LRP1B: variants seen among roughly 807,000 people sequenced by gnomAD.
LRP1B encodes the protein low-density lipoprotein receptor-related protein 1B.
A neutral mutation model predicts 556.6 loss-of-function variants in LRP1B; 217 were observed. The observed-to-expected ratio is 0.39, with a 90% CI of 0.35 to 0.44. The LOEUF (loss-of-function observed/expected upper bound fraction) is 0.44, where lower values mean the gene tolerates loss of function less well. Ranked by LOEUF, LRP1B falls within the 20% of genes least tolerant of loss-of-function variation. The pLI, the probability that LRP1B is intolerant of heterozygous loss-of-function variation, is 1.00. For missense variants in LRP1B, 5,053 were observed against 5,620.8 expected, an observed-to-expected ratio of 0.90 and a Z score of 3.23; for synonymous variants, 2,047 against 1,865.8, an observed-to-expected ratio of 1.10 and a Z score of -2.50.
intron 3 of LRP1B, among the ~76,000 whole-genome samples, chr2:141,329,671 T>G (rs1007284116): frequency 6.4e-5 from 6 of 93,516 alleles, no homozygotes; most frequent in African/African-American, 2.6e-4. Context: ...AAAAACTATC[T>G]CTCTCTCTAT....
chr2:140,786,964 A>G (rs1239510603), intron 32 of LRP1B, among the ~76,000 whole-genome samples: 1 of 152,204 alleles, frequency 6.6e-6, no homozygotes, highest in Non-Finnish European at 1.5e-5. Context: ...GGATATTTAG[A>G]AAATAAAATG....
intron 89 of LRP1B, 91 bp from the exon 90 acceptor site, chr2:140,234,975 T>A: frequency 1.6e-6 from 1 of 627,730 alleles, no homozygotes; most frequent in South Asian, 2.0e-5. Context: ...AAAAATAACA[T>A]AAAAATACCC....
chr2:142,037,178 A>T (rs143516368), intron 1 of LRP1B, among the ~76,000 whole-genome samples: 199 of 151,714 alleles, frequency 1.3e-3, no homozygotes, highest in Admixed American at 2.1e-3. Flanking sequence ...ATTCCTGAGG[A>T]AAAACAACAG....
At position 140,764,827 on chromosome 2, in the gene LRP1B, C is replaced by T. The variant is rs1022472860; in HGVS notation, c.5758+4386G>A. Among the ~76,000 whole-genome samples, 7 of 152,206 alleles carry T rather than the reference C, an allele frequency of 4.6e-5. No individual in the cohort carries two copies. In the East Asian group the frequency reaches 9.7e-4, roughly 21 times the overall value. ...TCTATCGTTAACATTAGGGTTCACTCTTGGTGTTATACATTCTGTGGATTT... is the reference window on the plus strand; with the variant it reads ...TCTATCGTTAACATTAGGGTTCACTTTTGGTGTTATACATTCTGTGGATTT... On this transcript the variant is annotated intron_variant, in intron 35 of 90. Transcript: ENST00000389484.
intron 41 of LRP1B, among the ~76,000 whole-genome samples, chr2:140,669,145 C>T (rs16844449): frequency 0.095 from 14,515 of 152,132 alleles, 934 homozygotes; most frequent in East Asian, 0.33. Flanking sequence ...ATTCATAAGC[C>T]ACGGACATGG....
At chr2:141,524,000 C>T (rs895002425) in intron 2 of LRP1B, among the ~76,000 whole-genome samples, 3 of 152,054 alleles carry the variant, frequency 2.0e-5, no homozygotes, top group African/African-American at 7.2e-5. Context: ...GATTAAGTAT[C>T]AACTATATTT....
rs186714487 is a variant in LRP1B, at chr2:140,989,132, C to A, written c.2770+400G>T. Among the ~76,000 whole-genome samples the A allele has an allele frequency of 4.0e-4, 61 of 151,990 alleles. No homozygotes were observed. The East Asian group carries it at 7.8e-3, about 19-fold the overall frequency. On this transcript the variant is annotated intron_variant, in intron 17 of 90. Transcript: ENST00000389484. ...ATAGAAAACTATTCACAGAGGTATT[C>A]TATAGTAGACTAAATAAAATTTATA...
intron 43 of LRP1B, among the ~76,000 whole-genome samples, chr2:140,594,369 G>A (rs923029786): frequency 2.6e-5 from 4 of 152,140 alleles, no homozygotes; most frequent in Non-Finnish European, 5.9e-5. Flanking sequence ...TAATGTTCAC[G>A]AGCATATTAA....
intron 1 of LRP1B, among the ~76,000 whole-genome samples, chr2:142,020,219 G>A (rs987868621): frequency 6.6e-6 from 1 of 152,112 alleles, no homozygotes; most frequent in African/African-American, 2.4e-5. Flanking sequence ...AGTGGTATAG[G>A]AAATGTGTCA....
intron 84 of LRP1B, among the ~76,000 whole-genome samples, chr2:140,296,452 A>G (rs1433631167): frequency 1.3e-5 from 2 of 152,214 alleles, no homozygotes; most frequent in Non-Finnish European, 2.9e-5. Context: ...TAGAGTGATA[A>G]CAAGCTGTCA....
At position 140,444,445 on chromosome 2, in the gene LRP1B, T is replaced by A. The variant is rs777128461; in HGVS notation, c.10179A>T (p.Thr3393=). The change falls in exon 65 of 91, where the codon ACA becomes ACT. Residue 3393 remains threonine (T), a synonymous_variant. Transcript: ENST00000389484. The part of the protein sequence containing the change: ...GDNSDELNCD[T]HVCLSGQFKC... Reference sequence around the variant, plus strand: ...TGAATTGACCTGACAGGCAGACATGTGTGTCTAGAACATAGAAGGAGAGAG... The same window carrying A: ...TGAATTGACCTGACAGGCAGACATGAGTGTCTAGAACATAGAAGGAGAGAG... 1 of 1,613,990 alleles carries A rather than the reference T, an allele frequency of 6.2e-7. No homozygotes were observed. The highest frequency in any genetic ancestry group is 8.5e-7 in the Non-Finnish European group (1 of 1,179,900).
chr2:140,254,290 G>A (rs1363644552), intron 86 of LRP1B, among the ~76,000 whole-genome samples: 1 of 152,132 alleles, frequency 6.6e-6, no homozygotes, highest in Non-Finnish European at 1.5e-5. Context: ...ATCAGGAGGT[G>A]TTATTACAAG....
At chr2:140,423,988 T>C (rs1258267099) in intron 66 of LRP1B, among the ~76,000 whole-genome samples, 2 of 152,208 alleles carry the variant, frequency 1.3e-5, no homozygotes, top group African/African-American at 4.8e-5. Context: ...TAATGTTTAC[T>C]CAACATCTAC....
rs1194338996 is a variant in LRP1B at position 141,013,549 on chromosome 2, T to A, written c.2380+7A>T. On this transcript the variant is annotated splice_region_variant and intron_variant, in intron 14 of 90. Transcript: ENST00000389484. ...TCTCAGAAGCATTTTAATTTGTTTT[T>A]TAATACCTTGTTGCTTTCGTGGATC... 1.3e-6 allele frequency: 2 copies of A among 1,597,804 alleles called. No homozygotes were observed. The highest frequency in any genetic ancestry group is 8.5e-7 in the Non-Finnish European group (1 of 1,173,830).
chr2:141,898,383 G>C (rs931419129), intron 1 of LRP1B, among the ~76,000 whole-genome samples: 3 of 151,992 alleles, frequency 2.0e-5, no homozygotes, highest in African/African-American at 7.2e-5. Flanking sequence ...ATATTTCCGT[G>C]GTCTTTAGAT....
At position 140,886,245 on chromosome 2, in the gene LRP1B, C is replaced by T. The variant is rs2105192440; in HGVS notation, c.3857G>A (p.Gly1286Glu). The change falls in exon 24 of 91, where the codon GGA becomes GAA. Residue 1286 changes from glycine (G) to glutamate (E), a missense_variant. By Grantham distance (98) the Gly-to-Glu change is moderately conservative. Around this residue, in one of 5 missense-constraint regions of LRP1B, gnomAD observed 3,619 missense variants for 3,931.9 expected, o/e 0.92. Transcript: ENST00000389484. ...ATCAAGTGCTATTGTGTTTCTCAAT[C>T]CAGGAACAAGTAGACTATAGTCTCT... ...HKRDYSLLVPGLRNTIALDFH... is the reference protein window; with the variant it reads ...HKRDYSLLVPELRNTIALDFH... 4 of 1,609,200 alleles carry T rather than the reference C, an allele frequency of 2.5e-6. No individual in the cohort carries two copies. The highest frequency in any genetic ancestry group is 3.4e-6 in the Non-Finnish European group (4 of 1,176,220).
intron 1 of LRP1B, among the ~76,000 whole-genome samples, chr2:141,844,276 T>TA (rs1697570779): frequency 2.0e-5 from 3 of 152,132 alleles, no homozygotes; most frequent in Non-Finnish European, 4.4e-5. Context: ...CCAGAGTGGG[T>TA]AAATTTATTT....
intron 1 of LRP1B, among the ~76,000 whole-genome samples, chr2:141,930,944 C>T (rs1700483477): frequency 6.6e-6 from 1 of 152,028 alleles, no homozygotes; most frequent in Non-Finnish European, 1.5e-5. Flanking sequence ...GAAACCACTC[C>T]TTTCAGTTTC....
intron 2 of LRP1B, among the ~76,000 whole-genome samples, chr2:141,638,138 G>A (rs1428901788): frequency 6.6e-6 from 1 of 152,014 alleles, no homozygotes; most frequent in Non-Finnish European, 1.5e-5. Context: ...AATGAGCCGA[G>A]GTCCACCCAC....
Sources: gnomAD v4.1 joint callset for allele counts (sites outside exome capture counted in the v4.1 genomes callset) on GRCh38, gnomAD v4.1.1 for gene constraint, gnomAD v4.1.1 regional missense constraint, MANE v1.5 for transcripts, NCBI Gene and HGNC (gene_info 2026-07-23, HGNC 2026-07-21) for gene names.